AGO3: variants seen among roughly 807,000 people sequenced by gnomAD.
AGO3 encodes the protein protein argonaute-3.
A neutral mutation model predicts 105.5 loss-of-function variants in AGO3; 16 were observed. That is an observed-to-expected ratio of 0.15 (90% confidence interval 0.10 to 0.23). The LOEUF (loss-of-function observed/expected upper bound fraction) is 0.23. Ranked by LOEUF, AGO3 falls within the 10% of genes least tolerant of loss-of-function variation. AGO3 has a pLI of 1.00. For missense variants in AGO3, 534 were observed against 1,088.0 expected (o/e 0.49, Z 7.16); for synonymous variants, 340 against 367.3 (o/e 0.93, Z 0.85).
At chr1:36,030,690 G>A (rs906287192) in intron 12 of AGO3, among the ~76,000 whole-genome samples, 2 of 152,160 alleles carry the variant, frequency 1.3e-5, no homozygotes, top group Admixed American at 1.3e-4. Context: ...AAACATGCCT[G>A]GGCTGGTCTC....
intron 2 of AGO3, among the ~76,000 whole-genome samples, chr1:35,953,448 G>T (rs1319253571): frequency 6.6e-6 from 1 of 151,918 alleles, no homozygotes; most frequent in Admixed American, 6.6e-5. Context: ...TCCTGATGAC[G>T]GATGTTGAAC....
intron 5 of AGO3, among the ~76,000 whole-genome samples, chr1:35,996,890 T>C (rs1341916595): frequency 1.3e-5 from 2 of 152,166 alleles, no homozygotes; most frequent in South Asian, 2.1e-4. Flanking sequence ...ACGTACTAGA[T>C]TGACTAAATT....
intron 2 of AGO3, among the ~76,000 whole-genome samples, chr1:35,949,078 G>C (rs1212310792): frequency 6.6e-6 from 1 of 152,222 alleles, no homozygotes; most frequent in Admixed American, 6.5e-5. Context: ...CGAGTAGCTG[G>C]AATTACAGGC....
intron 5 of AGO3, among the ~76,000 whole-genome samples, chr1:35,992,677 T>A (rs1227696007): frequency 6.6e-6 from 1 of 152,244 alleles, no homozygotes; most frequent in African/African-American, 2.4e-5. Flanking sequence ...AAGGAATCTG[T>A]GACATAGCAT....
intron 5 of AGO3, among the ~76,000 whole-genome samples, chr1:35,991,262 C>G (rs1308741895): frequency 6.6e-6 from 1 of 151,864 alleles, no homozygotes; most frequent in Non-Finnish European, 1.5e-5. Context: ...GCCACTGCAC[C>G]CAGCTTGGGC....
chr1:36,008,768 G>T lies in AGO3; in HGVS notation c.872G>T (p.Ser291Ile). 6.2e-7 allele frequency: 1 copy of T among 1,614,180 alleles called. No homozygotes were observed. ...TGTAATGTAACAAGGAGGCCTGCCA[G>T]TCATCAAACGTAAGAAAAGTTTGTC... ...RVCNVTRRPA[S>I]HQTFPLQLEN... The change falls in exon 7 of 19, where the codon AGT becomes ATT. Residue 291 changes from serine to isoleucine, a missense_variant. Around this residue, in one of 2 missense-constraint regions of AGO3, gnomAD observed 373 missense variants for 854.0 expected, o/e 0.44. Transcript: ENST00000373191. This position sits in a 1 kb window ranked among gnomAD's most constrained non-coding sequence, Gnocchi z 5.1.
At chr1:36,050,588 T>C (rs1194279533) in intron 17 of AGO3, among the ~76,000 whole-genome samples, 1 of 151,748 alleles carries the variant, frequency 6.6e-6, no homozygotes, top group Non-Finnish European at 1.5e-5. Context: ...GGTCAGGAGT[T>C]CGTGACCAGC....
At chr1:35,931,897 T>G (rs185610890) in intron 1 of AGO3, among the ~76,000 whole-genome samples, 2 of 152,338 alleles carry the variant, frequency 1.3e-5, no homozygotes, top group African/African-American at 4.8e-5. Flanking sequence ...GAGGTGTTGG[T>G]GCAACGTTAA....
At position 36,055,408 on chromosome 1, in the gene AGO3, G is replaced by A. The variant is rs1363997310; in HGVS notation, c.2475-229G>A. ...ATACATTCAGACAGATAGACAAAAT[G>A]ATACGATATCTAGGTTTGCTTCTAA... On this transcript the variant is annotated intron_variant, in intron 18 of 18. Coordinates refer to ENST00000373191, the MANE Select transcript of AGO3 (RefSeq NM_024852.4). The surrounding 1 kb of genome is among the most constrained non-coding windows in gnomAD (Gnocchi z 4.4). 1.6e-6 allele frequency: 1 copy of A among 615,828 alleles called. No homozygotes were observed. Among genetic ancestry groups the A allele is most frequent in the East Asian group, 2.8e-5 (1 of 36,262 alleles). 38.1% of individuals were successfully genotyped at this position (615,828 alleles called of 1,614,324 possible). A position where few individuals can be genotyped will look rare whatever the true frequency, so the allele number is the denominator to read the frequency against.
chr1:36,027,237 G>C lies in AGO3; in HGVS notation c.1530G>C (p.Lys510Asn). 6.2e-7 allele frequency: 1 copy of C among 1,614,234 alleles called. No individual in the cohort carries two copies. Among genetic ancestry groups the C allele is most frequent in the Non-Finnish European group, 8.5e-7 (1 of 1,180,036 alleles). ...TAGAGCCCATGTTCCGGCATCTCAA[G>C]AACACATATTCTGGCCTACAGCTTA... ...DSVEPMFRHL[K>N]NTYSGLQLII... The change falls in exon 12 of 19, where the codon AAG (lysine) becomes AAC (asparagine). Residue 510 changes from lysine (K) to asparagine (N), a missense_variant. Physicochemically the swap from Lys to Asn is moderately conservative, Grantham distance 94. Coordinates refer to ENST00000373191, the MANE Select transcript of AGO3 (RefSeq NM_024852.4). This position sits in a 1 kb window ranked among gnomAD's most constrained non-coding sequence, Gnocchi z 4.0.
At chr1:35,993,251 C>T (rs1241836822) in intron 5 of AGO3, among the ~76,000 whole-genome samples, 1 of 149,344 alleles carries the variant, frequency 6.7e-6, no homozygotes, top group Admixed American at 6.9e-5. Context: ...ATATTAAATC[C>T]AAAGTAAGCA....
At chr1:35,985,403 G>A (rs1391071896) in intron 5 of AGO3, among the ~76,000 whole-genome samples, 2 of 152,164 alleles carry the variant, frequency 1.3e-5, no homozygotes, top group Non-Finnish European at 2.9e-5. Context: ...GAAAAATAAA[G>A]CAGAAATTGC....
Position 36,028,146 on chromosome 1 carries a change from A to G in AGO3, c.1591+848A>G, listed in dbSNP as rs573481181. ...AGCCTTGACCTCTTGGGCTCAAGCA[A>G]TCCTCCTTTCTCGGCCTCCCAAGTA... On this transcript the variant is annotated intron_variant, in intron 12 of 18. Coordinates refer to ENST00000373191, the MANE Select transcript of AGO3 (RefSeq NM_024852.4). Among the ~76,000 whole-genome samples the G allele has an allele frequency of 4.7e-4, 72 of 152,224 alleles. 1 individual carries two copies. The highest frequency in any genetic ancestry group is 8.2e-4 in the Non-Finnish European group (56 of 68,028).
At chr1:36,021,014 C>A (rs1366395394) in intron 11 of AGO3, among the ~76,000 whole-genome samples, 1 of 152,080 alleles carries the variant, frequency 6.6e-6, no homozygotes, top group Non-Finnish European at 1.5e-5. Flanking sequence ...CTCATTACAA[C>A]CTCTGCCTCC....
intron 1 of AGO3, among the ~76,000 whole-genome samples, chr1:35,937,547 TG>T (rs879866763): frequency 6.8e-6 from 1 of 146,870 alleles, no homozygotes; most frequent in Admixed American, 6.9e-5. Context: ...AAAAATTAGC[TG>T]GGCATGGTGG....
chr1:35,964,412 A>G (rs1646736040), intron 2 of AGO3, among the ~76,000 whole-genome samples: 3 of 152,164 alleles, frequency 2.0e-5, no homozygotes, highest in Non-Finnish European at 4.4e-5. Context: ...TTTGCTAAGG[A>G]TAACGGCCTC....
At chr1:36,041,214 A>G (rs1642231475) in intron 16 of AGO3, among the ~76,000 whole-genome samples, 1 of 150,808 alleles carries the variant, frequency 6.6e-6, no homozygotes, top group South Asian at 2.1e-4. Flanking sequence ...AGAGGTATAA[A>G]TACCTAAGGA....
chr1:36,028,725 T>C (rs1641629673), intron 12 of AGO3, among the ~76,000 whole-genome samples: 1 of 152,006 alleles, frequency 6.6e-6, no homozygotes, highest in Non-Finnish European at 1.5e-5. Flanking sequence ...TGTGTCTTTA[T>C]AGCAGCATGA....
intron 11 of AGO3, among the ~76,000 whole-genome samples, chr1:36,018,711 A>T (rs150663801): frequency 6.6e-6 from 1 of 152,098 alleles, no homozygotes; most frequent in Non-Finnish European, 1.5e-5. Context: ...GATTACAGGC[A>T]TGAGCCACCA....
Sources: gnomAD v4.1 joint callset for allele counts (sites outside exome capture counted in the v4.1 genomes callset) on GRCh38, gnomAD v4.1.1 for gene constraint, gnomAD v4.1.1 regional missense constraint, Gnocchi (gnomAD v3.1) non-coding constraint, MANE v1.5 for transcripts, NCBI Gene and HGNC (gene_info 2026-07-23, HGNC 2026-07-21) for gene names.